Variants in REV3L observed in about 807,000 individuals in gnomAD.
The protein encoded by REV3L is REV3 like, DNA directed polymerase zeta catalytic subunit.
A neutral mutation model predicts 299.4 loss-of-function variants in REV3L; 69 were observed. That is an observed-to-expected ratio of 0.23 (90% CI 0.19 to 0.28). The LOEUF (loss-of-function observed/expected upper bound fraction) is 0.28. Ranked by LOEUF, REV3L falls within the 10% of genes least tolerant of loss-of-function variation. The pLI, the probability that REV3L is intolerant of heterozygous loss-of-function variation, is 1.00. For synonymous variants in REV3L, 1,238 were observed against 1,271.4 expected (o/e 0.97, Z 0.56); for missense variants, 3,128 against 3,693.8 (o/e 0.85, Z 3.97).
chr6:111,478,917 T>C (rs1793272318), intron 1 of REV3L, among the ~76,000 whole-genome samples: 1 of 152,202 alleles, frequency 6.6e-6, no homozygotes, highest in Admixed American at 6.5e-5. Context: ...ATTCCTTGCT[T>C]TGTGGACATC....
intron 5 of REV3L, among the ~76,000 whole-genome samples, chr6:111,391,973 C>A (rs932254000): frequency 1.3e-5 from 2 of 152,234 alleles, no homozygotes; most frequent in South Asian, 4.1e-4. Flanking sequence ...TGGGCAACAG[C>A]GTGAGACCTT....
intron 2 of REV3L, chr6:111,412,193 G>A (rs187682292): frequency 1.0e-6 from 1 of 985,218 alleles, no homozygotes; most frequent in African/African-American, 1.7e-5. Flanking sequence ...AGTGCATCCT[G>A]TGAAAAAACT....
chr6:111,329,794 T>C (rs1488979270), intron 24 of REV3L, 56 bp from the exon 25 acceptor site: 3 of 1,333,732 alleles, frequency 2.2e-6, no homozygotes, highest in Non-Finnish European at 2.1e-6. Context: ...ATTTACATAA[T>C]TAAGAAGGAA....
At chr6:111,343,209 T>G (rs1156980824) in intron 21 of REV3L, among the ~76,000 whole-genome samples, 1 of 152,212 alleles carries the variant, frequency 6.6e-6, no homozygotes, top group African/African-American at 2.4e-5. Flanking sequence ...GTAAGTTATA[T>G]TCATATAATT....
At chr6:111,447,681 T>C (rs1408831123) in intron 1 of REV3L, among the ~76,000 whole-genome samples, 3 of 152,186 alleles carry the variant, frequency 2.0e-5, no homozygotes, top group Non-Finnish European at 4.4e-5. Context: ...AAGTAATCGA[T>C]GTGAGGGGCA....
chr6:111,338,498 CTTT>C (rs555077962), intron 21 of REV3L, among the ~76,000 whole-genome samples: 4 of 150,008 alleles, frequency 2.7e-5, no homozygotes, highest in African/African-American at 9.8e-5. Flanking sequence ...GTCTTTTACC[CTTT>C]TTTTTACTAA....
intron 1 of REV3L, among the ~76,000 whole-genome samples, chr6:111,434,635 A>C (rs1400487358): frequency 6.6e-6 from 1 of 150,762 alleles, no homozygotes; most frequent in Non-Finnish European, 1.5e-5. Context: ...AAAAAAAAAA[A>C]TCAATGAATC....
intron 1 of REV3L, among the ~76,000 whole-genome samples, chr6:111,421,479 G>A (rs1477885605): frequency 6.6e-6 from 1 of 152,110 alleles, no homozygotes; most frequent in Non-Finnish European, 1.5e-5. Context: ...TAAGTGAACG[G>A]GCATGACCGT....
In REV3L at chr6:111,460,945, G is replaced by A. The variant is rs147175711; in HGVS notation, c.139+21805C>T. Among the ~76,000 whole-genome samples the A allele has an allele frequency of 5.9e-5, 9 of 152,186 alleles. No homozygotes were observed. In the East Asian group the frequency reaches 1.7e-3, roughly 29 times the overall value. On this transcript the variant is annotated intron_variant, in intron 1 of 31. Coordinates refer to ENST00000368802, the MANE Select transcript of REV3L (RefSeq NM_001372078.1). ...GAGTTACTCACGTGTTTGTGGTGAA[G>A]CTGGTGTAAAGAAACCTACACTGCC... is the stretch of plus-strand genomic sequence containing the variant.
At chr6:111,437,010 T>C (rs1033188074) in intron 1 of REV3L, among the ~76,000 whole-genome samples, 10 of 152,160 alleles carry the variant, frequency 6.6e-5, no homozygotes, top group African/African-American at 2.2e-4. Flanking sequence ...CATTAAAAGA[T>C]TCTCAACATC....
intron 1 of REV3L, among the ~76,000 whole-genome samples, chr6:111,465,728 G>A (rs1446443366): frequency 8.0e-4 from 24 of 30,104 alleles, no homozygotes; most frequent in Non-Finnish European, 1.5e-3. Flanking sequence ...GCGAGATTCC[G>A]ACTCAAAAAC....
At chr6:111,340,462 T>C (rs193244534) in intron 21 of REV3L, among the ~76,000 whole-genome samples, 41 of 152,254 alleles carry the variant, frequency 2.7e-4, no homozygotes, top group Middle Eastern at 6.8e-3. Flanking sequence ...AATTCATTCA[T>C]ATAAATCTGG....
In REV3L at chr6:111,364,250, G is replaced by A. The variant is rs17539777; in HGVS notation, c.6754-272C>T. ...CAATACTGAAAATAACAGTTTTGTAGGGAGTTGACATTTATACCACATGGA... is the reference window on the plus strand; with the variant it reads ...CAATACTGAAAATAACAGTTTTGTAAGGAGTTGACATTTATACCACATGGA... On this transcript the variant is annotated intron_variant, in intron 15 of 31. Transcript: ENST00000368802. 3.9e-5 allele frequency among the ~76,000 whole-genome samples: 6 copies of A among 152,140 alleles called. No individual in the cohort carries two copies. The South Asian group carries it at 1.0e-3, about 26-fold the overall frequency.
intron 1 of REV3L, among the ~76,000 whole-genome samples, chr6:111,446,667 C>G (rs902691374): frequency 1.3e-5 from 2 of 151,908 alleles, no homozygotes; most frequent in Non-Finnish European, 2.9e-5. Flanking sequence ...CGCCACTGCA[C>G]TCCAGCATGA....
intron 1 of REV3L, among the ~76,000 whole-genome samples, chr6:111,464,956 C>T (rs935107058): frequency 2.6e-5 from 4 of 151,796 alleles, no homozygotes; most frequent in Non-Finnish European, 4.4e-5. Flanking sequence ...GAGCCACGAT[C>T]GCACCACTGC....
rs1203123483 is a variant in REV3L at position 111,333,167 on chromosome 6, G to A, written c.7881C>T (p.Asn2627=). 3.7e-6 allele frequency: 6 copies of A among 1,614,104 alleles called. No individual in the cohort carries two copies. The highest frequency in any genetic ancestry group is 5.1e-6 in the Non-Finnish European group (6 of 1,180,016). Residue 2627 remains asparagine (N), a synonymous_variant, in exon 23 of 32, where the codon AAC becomes AAT. Coordinates refer to ENST00000368802, the MANE Select transcript of REV3L (RefSeq NM_001372078.1). Reference sequence around the variant, plus strand: ...GGCCAAGGCAGGTGGAAAAGCAGTAGTTATATGCAATCACAATAGAAGGAT... The same window carrying A: ...GGCCAAGGCAGGTGGAAAAGCAGTAATTATATGCAATCACAATAGAAGGAT... ...SLYPSIVIAY[N]YCFSTCLGHV...
rs555077962 is a variant in REV3L at position 111,338,498 on chromosome 6, CTTTT to C, written c.7539-2892_7539-2889del. On this transcript the variant is annotated intron_variant, in intron 21 of 31. Transcript: ENST00000368802. ...TTGATAATTGTTCATGTCTTTTACC[CTTTT>C]TTTTACTAATTTAAAAGTATATAAT... Among the ~76,000 whole-genome samples the C allele has an allele frequency of 2.0e-5, 3 of 150,108 alleles. No individual in the cohort carries two copies. In the East Asian group the frequency reaches 5.8e-4, roughly 29 times the overall value.
In REV3L at chr6:111,389,177, A is replaced by G. The variant is rs1781647946; in HGVS notation, c.791T>C (p.Ile264Thr). Reference sequence around the variant, plus strand: ...TCGCCGTTGCTTTTCATCTTCCCATATGGCCTGTAGACCAGGGTTTCCACC... The same window carrying G: ...TCGCCGTTGCTTTTCATCTTCCCATGTGGCCTGTAGACCAGGGTTTCCACC... ...QIGGNPGLQA[I>T]WEDEKQRRRN... Residue 264 changes from isoleucine (I) to threonine (T), a missense_variant, in exon 7 of 32, where the codon ATA (isoleucine) becomes ACA (threonine). Physicochemically the swap from Ile to Thr is moderately conservative, Grantham distance 89. Coordinates refer to ENST00000368802, the MANE Select transcript of REV3L (RefSeq NM_001372078.1). The G allele has an allele frequency of 6.2e-7, 1 of 1,613,776 alleles. No homozygotes were observed. The highest frequency in any genetic ancestry group is 8.5e-7 in the Non-Finnish European group (1 of 1,179,882).
At chr6:111,342,691 G>A (rs1483493797) in intron 21 of REV3L, among the ~76,000 whole-genome samples, 1 of 149,996 alleles carries the variant, frequency 6.7e-6, no homozygotes, top group African/African-American at 2.4e-5. Context: ...AGAACAGGAA[G>A]ATCCAAAGAC....
Sources: allele counts gnomAD v4.1 joint callset (sites outside exome capture counted in the v4.1 genomes callset), GRCh38; gene constraint gnomAD v4.1.1; transcripts MANE v1.5; gene names NCBI Gene and HGNC (gene_info 2026-07-23, HGNC 2026-07-21).